The following TSPAN5 variants were observed in gnomAD, a reference collection of about 807,000 sequenced individuals.
The protein encoded by TSPAN5 is tetraspanin 5.
Under a neutral mutation model 37.1 loss-of-function variants are expected in TSPAN5, and 10 were observed. The ratio of observed to expected loss-of-function variants is 0.27; its 90% CI spans 0.17 to 0.46. The LOEUF is 0.46. TSPAN5 is among the 20% of genes least tolerant of loss of function. The pLI is 1.00. For missense variants in TSPAN5, 195 were observed against 326.6 expected, an observed-to-expected ratio of 0.60 and a Z score of 3.11; for synonymous variants, 110 against 118.9, an observed-to-expected ratio of 0.93 and a Z score of 0.48.
At chr4:98,480,403 C>G (rs1381589753) in intron 4 of TSPAN5, among the ~76,000 whole-genome samples, 1 of 152,132 alleles carries the variant, frequency 6.6e-6, no homozygotes, top group Non-Finnish European at 1.5e-5. Flanking sequence ...GTCAGTCTTC[C>G]AATTAAAATA....
intron 2 of TSPAN5, among the ~76,000 whole-genome samples, chr4:98,493,103 C>T (rs779811306): frequency 3.9e-5 from 6 of 152,008 alleles, no homozygotes; most frequent in East Asian, 1.9e-4. Context: ...CTTGAGCCCA[C>T]GAGTTGGAGG....
At chr4:98,557,713 GC>G (rs1411410360) in intron 1 of TSPAN5, among the ~76,000 whole-genome samples, 7 of 152,190 alleles carry the variant, frequency 4.6e-5, no homozygotes, top group African/African-American at 1.4e-4. Flanking sequence ...GCAGCGGATT[GC>G]ATCGGCCACG....
At chr4:98,501,073 A>G (rs548629254) in intron 2 of TSPAN5, among the ~76,000 whole-genome samples, 4 of 152,242 alleles carry the variant, frequency 2.6e-5, no homozygotes, top group South Asian at 4.1e-4. Flanking sequence ...AGTAATAAGC[A>G]TAAGAGTTGA....
intron 1 of TSPAN5, among the ~76,000 whole-genome samples, chr4:98,528,133 C>T (rs563811422): frequency 6.6e-6 from 1 of 152,054 alleles, no homozygotes; most frequent in Non-Finnish European, 1.5e-5. Flanking sequence ...CACTAAATAC[C>T]CTGCAAATCA....
intron 1 of TSPAN5, among the ~76,000 whole-genome samples, chr4:98,529,114 G>T (rs748408410): frequency 7.9e-5 from 12 of 152,182 alleles, no homozygotes; most frequent in Non-Finnish European, 1.3e-4. Context: ...GTGGCACGCT[G>T]TGATACCACA....
At chr4:98,547,623 A>G (rs1444962463) in intron 1 of TSPAN5, among the ~76,000 whole-genome samples, 1 of 152,214 alleles carries the variant, frequency 6.6e-6, no homozygotes, top group Non-Finnish European at 1.5e-5. Context: ...TGTCAGTGTT[A>G]AATATTTCCT....
At chr4:98,613,151 T>TTTTTG (rs1168406011) in intron 1 of TSPAN5, among the ~76,000 whole-genome samples, 1 of 152,006 alleles carries the variant, frequency 6.6e-6, no homozygotes, top group Non-Finnish European at 1.5e-5. Flanking sequence ...TTTTTTTTTT[T>TTTTTG]TTAATTCCAC....
chr4:98,601,160 T>C (rs1355670723), intron 1 of TSPAN5, among the ~76,000 whole-genome samples: 2 of 152,222 alleles, frequency 1.3e-5, no homozygotes, highest in Non-Finnish European at 2.9e-5. Flanking sequence ...GTTCCATTTA[T>C]AGAGTCAGCA....
At chr4:98,554,248 A>G (rs1436489576) in intron 1 of TSPAN5, among the ~76,000 whole-genome samples, 1 of 152,230 alleles carries the variant, frequency 6.6e-6, no homozygotes, top group Non-Finnish European at 1.5e-5. Context: ...TGTTCTTCCA[A>G]CTCCTCAAAA....
chr4:98,559,044 C>G (rs1754818386), intron 1 of TSPAN5, among the ~76,000 whole-genome samples: 1 of 152,130 alleles, frequency 6.6e-6, no homozygotes, highest in Non-Finnish European at 1.5e-5. Flanking sequence ...GCCTCTTTGC[C>G]TAAAACCTGT....
chr4:98,627,715 T>C (rs562558767), intron 1 of TSPAN5, among the ~76,000 whole-genome samples: 7 of 152,202 alleles, frequency 4.6e-5, no homozygotes, highest in Non-Finnish European at 1.0e-4. Flanking sequence ...GTAAATGACA[T>C]CTCTCTTCTC....
chr4:98,507,649 T>C (rs1358701504), intron 2 of TSPAN5, 29 bp downstream of exon 2: 1 of 1,574,902 alleles, frequency 6.3e-7, no homozygotes, highest in South Asian at 1.1e-5. Flanking sequence ...ACAACCACGA[T>C]GTGTGCATTG....
intron 1 of TSPAN5, among the ~76,000 whole-genome samples, chr4:98,523,443 GT>G (rs201479694): frequency 3.3e-5 from 5 of 151,346 alleles, no homozygotes; most frequent in South Asian, 2.1e-4. Context: ...AAAAATTATG[GT>G]TTTTTTTTGA....
At chr4:98,568,916 C>T (rs186350397) in intron 1 of TSPAN5, among the ~76,000 whole-genome samples, 4 of 152,278 alleles carry the variant, frequency 2.6e-5, no homozygotes, top group Non-Finnish European at 5.9e-5. Flanking sequence ...CTTGCCACTC[C>T]CAGCAATATG....
chr4:98,526,723 G>C (rs1488873143), intron 1 of TSPAN5, among the ~76,000 whole-genome samples: 1 of 152,054 alleles, frequency 6.6e-6, no homozygotes, highest in Admixed American at 6.6e-5. Context: ...GTGGAGGATA[G>C]AATTCTAAGA....
chr4:98,634,674 G>A (rs1756816592), intron 1 of TSPAN5, among the ~76,000 whole-genome samples: 1 of 152,078 alleles, frequency 6.6e-6, no homozygotes, highest in Admixed American at 6.5e-5. Context: ...CCAGCTCACT[G>A]AAAAAAGGGT....
Position 98,558,149 on chromosome 4 carries a change from G to A in TSPAN5, c.82-50421C>T, listed in dbSNP as rs772412579. 1.3e-4 allele frequency among the ~76,000 whole-genome samples: 20 copies of A among 152,014 alleles called. No homozygotes were observed. In the East Asian group the frequency reaches 1.3e-3, roughly 10 times the overall value. On this transcript the variant is annotated intron_variant, in intron 1 of 7. Transcript: ENST00000305798. ...AAGGTGTTAGAAATACTTGTTCCCCGGTGACGCAAAGAAACAGCACTCGAA... is the reference window on the plus strand; with the variant it reads ...AAGGTGTTAGAAATACTTGTTCCCCAGTGACGCAAAGAAACAGCACTCGAA...
chr4:98,653,427 G>A (rs752738410), intron 1 of TSPAN5, among the ~76,000 whole-genome samples: 3 of 152,124 alleles, frequency 2.0e-5, no homozygotes, highest in Non-Finnish European at 4.4e-5. Flanking sequence ...AGTAACTGAG[G>A]CTTTTCTAAT....
intron 1 of TSPAN5, among the ~76,000 whole-genome samples, chr4:98,583,324 T>C (rs1755411535): frequency 6.6e-6 from 1 of 152,140 alleles, no homozygotes; most frequent in Non-Finnish European, 1.5e-5. Context: ...TAAACTTGTG[T>C]CATGGAGGTC....
Sources: allele counts gnomAD v4.1 joint callset (sites outside exome capture counted in the v4.1 genomes callset), GRCh38; gene constraint gnomAD v4.1.1; transcripts MANE v1.5; gene names NCBI Gene and HGNC (gene_info 2026-07-23, HGNC 2026-07-21).